The following ADK variants were observed in gnomAD, a reference collection of about 807,000 sequenced individuals.
ADK encodes adenosine kinase.
A neutral mutation model predicts 44.7 loss-of-function variants in ADK; 24 were observed. The ratio of observed to expected loss-of-function variants is 0.54; its 90% CI spans 0.39 to 0.76. The LOEUF is 0.76. Among genes scored for constraint, ADK ranks in the 30% least tolerant of loss-of-function variants. The probability of loss-of-function intolerance (pLI) is 0.00; values close to 1 mark genes in which losing one functional copy is unlikely to be tolerated. For missense variants in ADK, 321 were observed against 425.1 expected, an observed-to-expected ratio of 0.76 and a Z score of 2.15; for synonymous variants, 128 against 142.6, an observed-to-expected ratio of 0.90 and a Z score of 0.73.
At chr10:74,394,813 G>A (rs938806678) in intron 5 of ADK, among the ~76,000 whole-genome samples, 1 of 152,102 alleles carries the variant, frequency 6.6e-6, no homozygotes, top group African/African-American at 2.4e-5. Context: ...CTGGCAAATA[G>A]TAATTCATTC....
chr10:74,490,826 T>C (rs1169465108), intron 6 of ADK, among the ~76,000 whole-genome samples: 1 of 152,118 alleles, frequency 6.6e-6, no homozygotes, highest in Non-Finnish European at 1.5e-5. Context: ...GAAAATTGTA[T>C]TGATTTTTTT....
chr10:74,251,716 C>G (rs1845657292), intron 3 of ADK, among the ~76,000 whole-genome samples: 2 of 152,004 alleles, frequency 1.3e-5, no homozygotes. Context: ...ATATTATTTG[C>G]CTGTCTTGTA....
At chr10:74,351,570 C>A (rs1312904092) in intron 4 of ADK, among the ~76,000 whole-genome samples, 3 of 152,090 alleles carry the variant, frequency 2.0e-5, no homozygotes, top group African/African-American at 7.2e-5. Flanking sequence ...CTGACTAGAG[C>A]AATCTGGCAA....
intron 9 of ADK, 39 bp downstream of exon 9, chr10:74,600,532 A>C: frequency 7.2e-7 from 1 of 1,392,594 alleles, no homozygotes; most frequent in South Asian, 1.3e-5. Context: ...AGTATTATGG[A>C]GATTAATCAA....
intron 1 of ADK, among the ~76,000 whole-genome samples, chr10:74,153,989 G>A (rs944791272): frequency 2.0e-5 from 3 of 152,128 alleles, no homozygotes; most frequent in Admixed American, 2.0e-4. Flanking sequence ...CCATCCTCTT[G>A]GTGGGAAATA....
At chr10:74,208,515 T>TG (rs1237247268) in intron 2 of ADK, among the ~76,000 whole-genome samples, 1 of 152,238 alleles carries the variant, frequency 6.6e-6, no homozygotes, top group Non-Finnish European at 1.5e-5. Context: ...GTTTTAATCT[T>TG]TAACTTTGAT....
chr10:74,698,433 A>C (rs954690203), intron 10 of ADK, among the ~76,000 whole-genome samples: 1 of 152,250 alleles, frequency 6.6e-6, no homozygotes, highest in African/African-American at 2.4e-5. Context: ...TGGCACTGGG[A>C]AAAAGGGATC....
rs576491454 is a variant in ADK at position 74,572,143 on chromosome 10, G to A, written c.727-17139G>A. Among the ~76,000 whole-genome samples, 62 of 152,174 alleles carry A rather than the reference G, an allele frequency of 4.1e-4. 1 individual carries two copies. In the South Asian group the frequency reaches 0.012, roughly 30 times the overall value. On this transcript the variant is annotated intron_variant, in intron 7 of 10. Coordinates refer to ENST00000539909, the MANE Select transcript of ADK (RefSeq NM_006721.4). ...GCATGATTTTGCAGTGGCTGGTACC[G>A]GTTGTTCCTTTCCATGTTTAGTGCT...
At chr10:74,410,257 C>T (rs1185898225) in intron 6 of ADK, among the ~76,000 whole-genome samples, 4 of 151,810 alleles carry the variant, frequency 2.6e-5, no homozygotes, top group East Asian at 3.9e-4. Context: ...GAATTTAGAA[C>T]GTGCCATCTA....
At chr10:74,591,646 T>G (rs1328807166) in intron 8 of ADK, among the ~76,000 whole-genome samples, 1 of 152,238 alleles carries the variant, frequency 6.6e-6, no homozygotes, top group Non-Finnish European at 1.5e-5. Context: ...TAAATCACTT[T>G]ATCTTAATAG....
chr10:74,532,215 A>T (rs1849311390), intron 7 of ADK, among the ~76,000 whole-genome samples: 1 of 152,184 alleles, frequency 6.6e-6, no homozygotes, highest in Non-Finnish European at 1.5e-5. Flanking sequence ...AAGCCCTCGG[A>T]GGCTGGGCAT....
At chr10:74,417,247 A>G (rs1466596554) in intron 6 of ADK, among the ~76,000 whole-genome samples, 2 of 152,190 alleles carry the variant, frequency 1.3e-5, no homozygotes, top group Non-Finnish European at 2.9e-5. Flanking sequence ...ATTTAAAATC[A>G]TTCAAATATC....
At chr10:74,416,600 T>C (rs1844383975) in intron 6 of ADK, among the ~76,000 whole-genome samples, 1 of 151,156 alleles carries the variant, frequency 6.6e-6, no homozygotes, top group South Asian at 2.1e-4. Context: ...GGTAAGTCCA[T>C]GGATGCTTTT....
At chr10:74,477,619 A>G (rs1346949130) in intron 6 of ADK, among the ~76,000 whole-genome samples, 2 of 152,268 alleles carry the variant, frequency 1.3e-5, no homozygotes, top group Admixed American at 6.5e-5. Context: ...CCTCAATTAC[A>G]TGATTTATCA....
intron 3 of ADK, among the ~76,000 whole-genome samples, chr10:74,252,964 C>A (rs958643357): frequency 6.6e-6 from 1 of 152,140 alleles, no homozygotes; most frequent in African/African-American, 2.4e-5. Flanking sequence ...ATATGGTTAG[C>A]AGTTGTTTAT....
chr10:74,528,852 A>T (rs1689663022), intron 7 of ADK, among the ~76,000 whole-genome samples: 1 of 152,182 alleles, frequency 6.6e-6, no homozygotes, highest in Non-Finnish European at 1.5e-5. Context: ...CAATTGTTTT[A>T]AAAAATGGAA....
intron 6 of ADK, among the ~76,000 whole-genome samples, chr10:74,481,116 T>G (rs1847056781): frequency 6.6e-6 from 1 of 152,204 alleles, no homozygotes; most frequent in African/African-American, 2.4e-5. Context: ...GATTGTTTTT[T>G]CCTTTTATTG....
intron 9 of ADK, among the ~76,000 whole-genome samples, chr10:74,617,980 T>C (rs1370519266): frequency 6.6e-6 from 1 of 152,218 alleles, no homozygotes; most frequent in Non-Finnish European, 1.5e-5. Context: ...TTTTACCTTA[T>C]GAAATGTCCT....
intron 6 of ADK, among the ~76,000 whole-genome samples, chr10:74,488,837 G>A (rs1018239266): frequency 4.0e-5 from 6 of 151,776 alleles, no homozygotes; most frequent in East Asian, 3.9e-4. Flanking sequence ...TCTTAGAGGC[G>A]CTCTATTGAG....
Sources: allele counts gnomAD v4.1 joint callset (sites outside exome capture counted in the v4.1 genomes callset), GRCh38; gene constraint gnomAD v4.1.1; transcripts MANE v1.5; gene names NCBI Gene and HGNC (gene_info 2026-07-23, HGNC 2026-07-21).